The following DACH2 variants were observed in gnomAD, a reference collection of about 807,000 sequenced individuals.
DACH2 encodes the protein dachshund family transcription factor 2.
Under a neutral mutation model 35.8 loss-of-function variants are expected in DACH2, and 17 were observed. The ratio of observed to expected loss-of-function variants is 0.48; its 90% CI spans 0.33 to 0.71. The LOEUF (loss-of-function observed/expected upper bound fraction) is 0.71. Ranked by LOEUF, DACH2 falls within the 30% of genes least tolerant of loss-of-function variation. The probability of loss-of-function intolerance (pLI) is 0.02; values close to 1 mark genes in which losing one functional copy is unlikely to be tolerated. For missense variants in DACH2, 469 were observed against 472.7 expected (o/e 0.99, Z 0.07); for synonymous variants, 195 against 177.3 (o/e 1.10, Z -0.79).
At chrX:86,648,394 C>T (rs1019621792) in intron 3 of DACH2, among the ~76,000 whole-genome samples, 1 of 110,973 alleles carries the variant, frequency 9.0e-6, no homozygotes, top group Non-Finnish European at 1.9e-5. Flanking sequence ...TCCAGACCTG[C>T]GTTTTGAGAA....
Position 86,730,432 on chromosome X carries a change from G to T in DACH2, c.1105-9315G>T, listed in dbSNP as rs1012804241. Among the ~76,000 whole-genome samples, 26 of 111,616 alleles carry T rather than the reference G, an allele frequency of 2.3e-4. 1 individual carries two copies. Among genetic ancestry groups the T allele is most frequent in the Non-Finnish European group, 1.1e-4 (6 of 53,075 alleles). The stretch of plus-strand genomic sequence containing the variant: ...AAATTATAGTTTACATCTGAAAACT[G>T]GTTAGTCTAATCTGTAAGCCATGTT... On this transcript the variant is annotated intron_variant, in intron 6 of 11. Coordinates refer to ENST00000373125, the MANE Select transcript of DACH2 (RefSeq NM_053281.3).
intron 6 of DACH2, among the ~76,000 whole-genome samples, chrX:86,734,778 GC>G (rs2041577871): frequency 1.4e-5 from 1 of 71,968 alleles, no homozygotes; most frequent in Admixed American, 2.0e-4. Flanking sequence ...AAAACAATGA[GC>G]AAATTTTTTA....
chrX:86,309,767 A>T (rs2034760667), intron 1 of DACH2, among the ~76,000 whole-genome samples: 1 of 112,306 alleles, frequency 8.9e-6, no homozygotes, highest in African/African-American at 3.2e-5. Flanking sequence ...AAAGAGGCAC[A>T]ATGCCTAGTA....
intron 1 of DACH2, among the ~76,000 whole-genome samples, chrX:86,329,506 C>T (rs1386964679): frequency 9.0e-6 from 1 of 111,219 alleles, no homozygotes; most frequent in Non-Finnish European, 1.9e-5. Flanking sequence ...TAAATGGATG[C>T]CTGGGGTCAT....
chrX:86,272,104 T>C (rs1378886998), intron 1 of DACH2, among the ~76,000 whole-genome samples: 1 of 111,338 alleles, frequency 9.0e-6, no homozygotes, highest in East Asian at 2.8e-4. Flanking sequence ...TGTTTTTGAG[T>C]TGTTTCACTT....
intron 3 of DACH2, among the ~76,000 whole-genome samples, chrX:86,522,594 T>C (rs1189842960): frequency 9.0e-6 from 1 of 111,330 alleles, no homozygotes; most frequent in Admixed American, 9.6e-5. Flanking sequence ...GCATTCATTT[T>C]GTGAGTTAGA....
At chrX:86,300,854 A>T (rs930042239) in intron 1 of DACH2, among the ~76,000 whole-genome samples, 1 of 112,163 alleles carries the variant, frequency 8.9e-6, no homozygotes, top group Admixed American at 9.5e-5. Context: ...TTCTGTGCTC[A>T]TTCAGCTTCC....
intron 2 of DACH2, among the ~76,000 whole-genome samples, chrX:86,466,504 T>G (rs2037670891): frequency 9.0e-6 from 1 of 111,310 alleles, no homozygotes; most frequent in Non-Finnish European, 1.9e-5. Context: ...GAACCAATCA[T>G]GCTTCCCAAC....
intron 1 of DACH2, among the ~76,000 whole-genome samples, chrX:86,222,466 G>T: frequency 8.9e-6 from 1 of 112,024 alleles, no homozygotes; most frequent in Non-Finnish European, 1.9e-5. Flanking sequence ...CAGGGCTCAA[G>T]GTAGGTATTA....
intron 1 of DACH2, among the ~76,000 whole-genome samples, chrX:86,235,324 C>A (rs2033035642): frequency 8.9e-6 from 1 of 112,152 alleles, no homozygotes; most frequent in Non-Finnish European, 1.9e-5. Context: ...AGTATTCCAC[C>A]ATTTTCTGTC....
intron 1 of DACH2, among the ~76,000 whole-genome samples, chrX:86,293,830 T>C (rs4446874): frequency 9.1e-6 from 1 of 109,381 alleles, no homozygotes; most frequent in Non-Finnish European, 1.9e-5. Flanking sequence ...AGGGTAACCC[T>C]ATGTTTCTCT....
At chrX:86,625,103 T>G (rs745888522) in intron 3 of DACH2, among the ~76,000 whole-genome samples, 27 of 111,323 alleles carry the variant, frequency 2.4e-4, no homozygotes, top group African/African-American at 8.8e-4. Context: ...GTATCTCTTT[T>G]GGAATTTATT....
chrX:86,642,724 A>G, intron 3 of DACH2, among the ~76,000 whole-genome samples: 1 of 112,243 alleles, frequency 8.9e-6, no homozygotes. Flanking sequence ...AATCCCCAAC[A>G]AATGGAAAAG....
At chrX:86,385,804 G>A (rs1362870221) in intron 2 of DACH2, among the ~76,000 whole-genome samples, 3 of 111,431 alleles carry the variant, frequency 2.7e-5, no homozygotes, top group Non-Finnish European at 5.7e-5. Context: ...ATTAATGTAG[G>A]GTAAAACACT....
At chrX:86,184,893 T>C (rs1045086643) in intron 1 of DACH2, among the ~76,000 whole-genome samples, 2 of 103,609 alleles carry the variant, frequency 1.9e-5, no homozygotes, top group African/African-American at 8.3e-5. Context: ...AATTTGAATC[T>C]TTTTTTTTCT....
chrX:86,422,477 T>C (rs1417515419), intron 2 of DACH2, among the ~76,000 whole-genome samples: 1 of 110,957 alleles, frequency 9.0e-6, no homozygotes, highest in East Asian at 2.8e-4. Flanking sequence ...CTCTCATACA[T>C]GAAAATCACA....
At chrX:86,603,916 G>C (rs1416677784) in intron 3 of DACH2, among the ~76,000 whole-genome samples, 1 of 111,058 alleles carries the variant, frequency 9.0e-6, no homozygotes, top group Non-Finnish European at 1.9e-5. Flanking sequence ...TTATTTAGAA[G>C]TGTGGTGTTT....
At chrX:86,564,480 G>A (rs949366984) in intron 3 of DACH2, among the ~76,000 whole-genome samples, 15 of 111,418 alleles carry the variant, frequency 1.3e-4, no homozygotes, top group African/African-American at 4.9e-4. Context: ...GAAAAAGATT[G>A]CTACAGTGGG....
At chrX:86,410,231 G>A (rs865789786) in intron 2 of DACH2, among the ~76,000 whole-genome samples, 21 of 112,013 alleles carry the variant, frequency 1.9e-4, no homozygotes, top group African/African-American at 6.8e-4. Flanking sequence ...TTTTACCAAG[G>A]AACAATCCTT....
Sources: gnomAD v4.1 joint callset for allele counts (sites outside exome capture counted in the v4.1 genomes callset) on GRCh38, gnomAD v4.1.1 for gene constraint, MANE v1.5 for transcripts, NCBI Gene and HGNC (gene_info 2026-07-23, HGNC 2026-07-21) for gene names.